Variants in SEPTIN8 observed in about 807,000 individuals in gnomAD.
The protein encoded by SEPTIN8 is septin-8.
Under a neutral mutation model 53.1 loss-of-function variants are expected in SEPTIN8, and 22 were observed. That is an observed-to-expected ratio of 0.41 (90% confidence interval 0.30 to 0.59). SEPTIN8 has a LOEUF of 0.59. Among genes scored for constraint, SEPTIN8 ranks in the 20% least tolerant of loss-of-function variants. SEPTIN8 has a pLI of 0.24. For synonymous variants in SEPTIN8, 228 were observed against 248.4 expected (o/e 0.92, Z 0.77); for missense variants, 536 against 638.7 (o/e 0.84, Z 1.73).
intron 1 of SEPTIN8, among the ~76,000 whole-genome samples, chr5:132,768,834 G>A (rs1756894627): frequency 1.3e-5 from 2 of 152,200 alleles, no homozygotes; most frequent in African/African-American, 2.4e-5. Context: ...AAAAGAGGGA[G>A]CCAGAGTCTG....
At chr5:132,771,403 A>G (rs929285170) in intron 1 of SEPTIN8, among the ~76,000 whole-genome samples, 7 of 152,144 alleles carry the variant, frequency 4.6e-5, no homozygotes, top group African/African-American at 1.7e-4. Flanking sequence ...CTACCGAGTA[A>G]TGGACAAAGA....
At chr5:132,775,028 C>G (rs1276931451) in intron 1 of SEPTIN8, among the ~76,000 whole-genome samples, 2 of 152,214 alleles carry the variant, frequency 1.3e-5, no homozygotes, top group Non-Finnish European at 2.9e-5. Flanking sequence ...AGGAGGCTGA[C>G]AGCCCAAAGT....
In SEPTIN8 at chr5:132,761,967, C is replaced by A; in HGVS notation, c.697-71G>T. ...TAATGGCAGACTCTCCCTCCCTGCC[C>A]CTGGGTCCTAGGGAGGGGCAGCCAG... On this transcript the variant is annotated intron_variant, in intron 5 of 9. Transcript: ENST00000378719. The surrounding 1 kb of genome is among the most constrained non-coding windows in gnomAD (Gnocchi z 5.8). 1 of 1,388,020 alleles carries A rather than the reference C, an allele frequency of 7.2e-7. No homozygotes were observed. 86.0% of individuals were successfully genotyped at this position (1,388,020 alleles called of 1,614,324 possible). A position where few individuals can be genotyped will look rare whatever the true frequency, so the allele number is the denominator to read the frequency against.
At position 132,777,202 on chromosome 5, in the gene SEPTIN8, C is replaced by T. The variant is rs1338845490; in HGVS notation, c.-65G>A. 2.3e-5 allele frequency: 27 copies of T among 1,160,248 alleles called. No individual in the cohort carries two copies. The highest frequency in any genetic ancestry group is 2.7e-5 in the Non-Finnish European group (25 of 941,002). The allele number at this position is 1,160,248 out of a possible 1,614,324, so 71.9% of individuals were successfully genotyped here. On this transcript the variant is annotated 5_prime_UTR_variant, in exon 1 of 10. Coordinates refer to ENST00000378719, the MANE Select transcript of SEPTIN8 (RefSeq NM_001098811.2). This position sits in a 1 kb window ranked among gnomAD's most constrained non-coding sequence, Gnocchi z 4.1. Reference sequence around the variant, plus strand: ...AGGGGCAGCGACAGGGACCAGCCGGCTGCGGGACGCGCTCCGCCCGGGCGG... The same window carrying T: ...AGGGGCAGCGACAGGGACCAGCCGGTTGCGGGACGCGCTCCGCCCGGGCGG...
At chr5:132,769,982 CATATATATATATATATAT>C (rs1164726534) in intron 1 of SEPTIN8, among the ~76,000 whole-genome samples, 11 of 55,346 alleles carry the variant, frequency 2.0e-4, no homozygotes, top group African/African-American at 6.0e-4. Flanking sequence ...TCTATATATA[CATATATATATATATATAT>C]ATATATATAT....
Position 132,776,225 on chromosome 5 carries a change from G to A in SEPTIN8, c.30+883C>T, listed in dbSNP as rs1003432524. Among the ~76,000 whole-genome samples the A allele has an allele frequency of 6.6e-6, 1 of 151,786 alleles. No individual in the cohort carries two copies. Among genetic ancestry groups the A allele is most frequent in the Non-Finnish European group, 1.5e-5 (1 of 67,970 alleles). On this transcript the variant is annotated intron_variant, in intron 1 of 9. Transcript: ENST00000378719. This position sits in a 1 kb window ranked among gnomAD's most constrained non-coding sequence, Gnocchi z 4.4. ...ACCAGGGCCTTACATGCTGGCAAGA[G>A]GACACAGCTTCCTTCACTGTCACAG...
rs1425016072 is a variant in SEPTIN8 at position 132,776,410 on chromosome 5, G to A, written c.30+698C>T. Among the ~76,000 whole-genome samples the A allele has an allele frequency of 1.3e-5, 2 of 152,162 alleles. No homozygotes were observed. Among genetic ancestry groups the A allele is most frequent in the South Asian group, 4.1e-4 (2 of 4,822 alleles). On this transcript the variant is annotated intron_variant, in intron 1 of 9. Coordinates refer to ENST00000378719, the MANE Select transcript of SEPTIN8 (RefSeq NM_001098811.2). The surrounding 1 kb of genome is among the most constrained non-coding windows in gnomAD (Gnocchi z 4.4). ...GTGAGACCCCTGCAGGGACCACCAG[G>A]GACATCAACCTTCTGAGGACCTGGA...
At position 132,761,063 on chromosome 5, in the gene SEPTIN8, CCCA is replaced by C; in HGVS notation, c.1095+67_1095+69del. 6.2e-7 allele frequency: 1 copy of C among 1,606,540 alleles called. No individual in the cohort carries two copies. Among genetic ancestry groups the C allele is most frequent in the South Asian group, 1.1e-5 (1 of 89,628 alleles). Reference sequence around the variant, plus strand: ...CTTGAGCCTGGGCCAGGAAGGCACCCCCACCTCTACCCTCAGCCAGGCCTTCCC... The same window carrying C: ...CTTGAGCCTGGGCCAGGAAGGCACCCCCTCTACCCTCAGCCAGGCCTTCCC... On this transcript the variant is annotated intron_variant, in intron 8 of 9. Coordinates refer to ENST00000378719, the MANE Select transcript of SEPTIN8 (RefSeq NM_001098811.2). The surrounding 1 kb of genome is among the most constrained non-coding windows in gnomAD (Gnocchi z 5.8).
At position 132,773,528 on chromosome 5, in the gene SEPTIN8, T is replaced by C. The variant is rs1183586090; in HGVS notation, c.30+3580A>G. Among the ~76,000 whole-genome samples, 1 of 152,220 alleles carries C rather than the reference T, an allele frequency of 6.6e-6. No individual in the cohort carries two copies. Among genetic ancestry groups the C allele is most frequent in the Non-Finnish European group, 1.5e-5 (1 of 68,038 alleles). Reference sequence around the variant, plus strand: ...TCCACCCTCTCTGTCATCTCTGGTATTGGAATTTGGATCTTGTTCCCCCTA... The same window carrying C: ...TCCACCCTCTCTGTCATCTCTGGTACTGGAATTTGGATCTTGTTCCCCCTA... On this transcript the variant is annotated intron_variant, in intron 1 of 9. Coordinates refer to ENST00000378719, the MANE Select transcript of SEPTIN8 (RefSeq NM_001098811.2). This position sits in a 1 kb window ranked among gnomAD's most constrained non-coding sequence, Gnocchi z 4.2.
At position 132,770,041 on chromosome 5, in the gene SEPTIN8, ATGTG is replaced by A. The variant is rs1180280053; in HGVS notation, c.31-4516_31-4513del. Among the ~76,000 whole-genome samples, 665 of 82,840 alleles carry A rather than the reference ATGTG, an allele frequency of 8.0e-3. 7 individuals carry two copies. Among genetic ancestry groups the A allele is most frequent in the Non-Finnish European group, 0.013 (539 of 41,466 alleles). The allele number at this position is 82,840 out of a possible 152,430, so 54.3% of individuals were successfully genotyped here. ...TATATATACACACACATATATATAT[ATGTG>A]TGTGTGTGTGTGTGTGTGTATATAT... is the stretch of plus-strand genomic sequence containing the variant. On this transcript the variant is annotated intron_variant, in intron 1 of 9. Transcript: ENST00000378719.
rs1189064978 is a variant in SEPTIN8 at position 132,770,103 on chromosome 5, ATATATG to A, written c.31-4580_31-4575del. ...TATGTATATATGTATATATATATGTATATATGTATATATATATATATGTATATATGT... is the reference window on the plus strand; with the variant it reads ...TATGTATATATGTATATATATATGTATATATATATATATATGTATATATGT... On this transcript the variant is annotated intron_variant, in intron 1 of 9. Transcript: ENST00000378719. 2.9e-3 allele frequency among the ~76,000 whole-genome samples: 66 copies of A among 23,030 alleles called. 1 individual carries two copies. Among genetic ancestry groups the A allele is most frequent in the Admixed American group, 6.4e-3 (10 of 1,556 alleles). The allele number at this position is 23,030 out of a possible 152,430, so 15.1% of individuals were successfully genotyped here. A position where few individuals can be genotyped will look rare whatever the true frequency, so the allele number is the denominator to read the frequency against.
At chr5:132,775,135 C>T (rs187361052) in intron 1 of SEPTIN8, among the ~76,000 whole-genome samples, 201 of 152,304 alleles carry the variant, frequency 1.3e-3, no homozygotes, top group Non-Finnish European at 2.3e-3. Flanking sequence ...AGTCAGTCCC[C>T]TCTCTGTGCC....
rs1013038265 is a variant in SEPTIN8, at chr5:132,776,795, C to A, written c.30+313G>T. On this transcript the variant is annotated intron_variant, in intron 1 of 9. Coordinates refer to ENST00000378719, the MANE Select transcript of SEPTIN8 (RefSeq NM_001098811.2). This position sits in a 1 kb window ranked among gnomAD's most constrained non-coding sequence, Gnocchi z 4.4. ...AGTGTCCCGGACCCTCACCTGCGGCCCCGCGGGCGCCACTCTATCTTCGCA... is the reference window on the plus strand; with the variant it reads ...AGTGTCCCGGACCCTCACCTGCGGCACCGCGGGCGCCACTCTATCTTCGCA... Among the ~76,000 whole-genome samples the A allele has an allele frequency of 2.0e-5, 3 of 152,310 alleles. No individual in the cohort carries two copies. The highest frequency in any genetic ancestry group is 6.5e-5 in the Admixed American group (1 of 15,308).
chr5:132,761,682 G>T lies in SEPTIN8; in HGVS notation c.794-56C>A. The stretch of plus-strand genomic sequence containing the variant: ...CAGGCATGCAGGCGGGCACACTCCA[G>T]AGTCAGGGTAGGCACGCAGGTGGGC... On this transcript the variant is annotated intron_variant, in intron 6 of 9. Transcript: ENST00000378719. The surrounding 1 kb of genome is among the most constrained non-coding windows in gnomAD (Gnocchi z 5.8). The T allele has an allele frequency of 6.2e-7, 1 of 1,602,828 alleles. No homozygotes were observed. The highest frequency in any genetic ancestry group is 2.2e-5 in the East Asian group (1 of 44,800).
At chr5:132,763,616 G>T in intron 4 of SEPTIN8, 90 bp downstream of exon 4, 1 of 1,262,358 alleles carries the variant, frequency 7.9e-7, no homozygotes, top group African/African-American at 1.5e-5. Context: ...AGGTCCCTGA[G>T]GACCATGGTG....
chr5:132,770,034 T>C lies in SEPTIN8; in HGVS notation c.31-4505A>G, dbSNP rs1383888533. Among the ~76,000 whole-genome samples the C allele has an allele frequency of 1.6e-3, 134 of 82,364 alleles. 4 individuals are homozygous for C. Among genetic ancestry groups the C allele is most frequent in the African/African-American group, 7.9e-3 (129 of 16,288 alleles). 54.0% of individuals were successfully genotyped at this position (82,364 alleles called of 152,430 possible). On this transcript the variant is annotated intron_variant, in intron 1 of 9. Transcript: ENST00000378719. The stretch of plus-strand genomic sequence containing the variant: ...ATATATATATATATACACACACATA[T>C]ATATATATGTGTGTGTGTGTGTGTG...
intron 1 of SEPTIN8, among the ~76,000 whole-genome samples, chr5:132,771,094 G>A (rs1050045931): frequency 6.6e-6 from 1 of 152,174 alleles, no homozygotes. Context: ...TAACTAGGAC[G>A]CCCTTTTCCT....
In SEPTIN8 at chr5:132,751,766, TGGTCCCGGA is replaced by T; in HGVS notation, c.*241_*249del. 1 of 608,260 alleles carries T rather than the reference TGGTCCCGGA, an allele frequency of 1.6e-6. No individual in the cohort carries two copies. The allele number at this position is 608,260 out of a possible 1,614,324, so 37.7% of individuals were successfully genotyped here. On this transcript the variant is annotated 3_prime_UTR_variant, in exon 10 of 10. Transcript: ENST00000378719. ...CACAAAGCAGACTTTTTTTTTTTTTTGGTCCCGGAGTGGAAGCTCAGCTTGGCCACAGGA... is the reference window on the plus strand; with the variant it reads ...CACAAAGCAGACTTTTTTTTTTTTTTGTGGAAGCTCAGCTTGGCCACAGGA...
chr5:132,777,921 G>C, upstream of SEPTIN8: 1 of 985,508 alleles, frequency 1.0e-6, no homozygotes, highest in Non-Finnish European at 1.2e-6. The surrounding 1 kb of genome is among the most constrained non-coding windows in gnomAD (Gnocchi z 4.1). Context: ...GAGCTCGACG[G>C]TCAAGGCGTC....
Sources: allele counts gnomAD v4.1 joint callset (sites outside exome capture counted in the v4.1 genomes callset), GRCh38; gene constraint gnomAD v4.1.1; non-coding constraint Gnocchi (gnomAD v3.1); transcripts MANE v1.5; gene names NCBI Gene and HGNC (gene_info 2026-07-23, HGNC 2026-07-21).